The following PDE4D variants were observed in gnomAD, a reference collection of about 807,000 sequenced individuals.
PDE4D encodes the protein 3',5'-cyclic-AMP phosphodiesterase 4D.
PDE4D carries 24 observed loss-of-function variants against 87.4 expected under a neutral mutation model. The ratio of observed to expected loss-of-function variants is 0.27; its 90% CI spans 0.20 to 0.39. The LOEUF is 0.39. PDE4D is among the 10% of genes least tolerant of loss of function. The probability of loss-of-function intolerance (pLI) is 1.00; values close to 1 mark genes in which losing one functional copy is unlikely to be tolerated. For missense variants in PDE4D, 714 were observed against 1,041.0 expected (o/e 0.69, Z 4.32); for synonymous variants, 384 against 383.2 (o/e 1.00, Z -0.02).
chr5:60,135,835 C>T (rs1779988104), intron 2 of PDE4D, among the ~76,000 whole-genome samples: 1 of 152,148 alleles, frequency 6.6e-6, no homozygotes, highest in African/African-American at 2.4e-5. Context: ...AGCTGCAATG[C>T]ATATTGGTAT....
intron 5 of PDE4D, among the ~76,000 whole-genome samples, chr5:59,067,689 T>G (rs1487053152): frequency 6.6e-6 from 1 of 152,208 alleles, no homozygotes; most frequent in Non-Finnish European, 1.5e-5. Flanking sequence ...CTTATTTATA[T>G]TAGAACTGAA....
intron 1 of PDE4D, among the ~76,000 whole-genome samples, chr5:60,362,897 T>C (rs1024307011): frequency 5.9e-5 from 9 of 152,018 alleles, no homozygotes; most frequent in African/African-American, 2.2e-4. Flanking sequence ...ATTTTATTTC[T>C]GTTTGATGTT....
Position 59,215,588 on chromosome 5 carries a change from T to TGTGTGTG in PDE4D, c.647+188_647+189insCACACAC. The TGTGTGTG allele has an allele frequency of 9.1e-6, 5 of 549,676 alleles. No homozygotes were observed. The East Asian group carries it at 1.3e-4, about 14-fold the overall frequency. The allele number at this position is 549,676 out of a possible 1,614,324, so 34.0% of individuals were successfully genotyped here. A position where few individuals can be genotyped will look rare whatever the true frequency, so the allele number is the denominator to read the frequency against. ...GTGTGTGTGTGTGTGTGTGTGTGTG[T>TGTGTGTG]TAATCAAGAGTGACAGTGCACTCAG... On this transcript the variant is annotated intron_variant, in intron 2 of 14. Transcript: ENST00000340635.
chr5:60,178,088 A>C (rs1784083407), intron 2 of PDE4D, among the ~76,000 whole-genome samples: 1 of 152,172 alleles, frequency 6.6e-6, no homozygotes, highest in Non-Finnish European at 1.5e-5. Context: ...AGAACCATAA[A>C]TATTTCATCA....
At chr5:60,064,979 T>C (rs1771891864) in intron 2 of PDE4D, among the ~76,000 whole-genome samples, 1 of 152,170 alleles carries the variant, frequency 6.6e-6, no homozygotes, top group Admixed American at 6.5e-5. Context: ...TCTTAATTCT[T>C]TTGCCTCTAG....
intron 1 of PDE4D, among the ~76,000 whole-genome samples, chr5:59,712,921 A>G (rs1257778714): frequency 6.6e-6 from 1 of 152,210 alleles, no homozygotes; most frequent in Non-Finnish European, 1.5e-5. Context: ...TTGAGTGAAT[A>G]GTCCAGTATA....
intron 1 of PDE4D, among the ~76,000 whole-genome samples, chr5:59,783,614 T>A (rs1354293991): frequency 6.6e-6 from 1 of 152,244 alleles, no homozygotes; most frequent in East Asian, 1.9e-4. Flanking sequence ...GATGTCCTAG[T>A]CTAAAACATT....
At chr5:59,273,615 T>G (rs1764264983) in intron 1 of PDE4D, among the ~76,000 whole-genome samples, 1 of 152,084 alleles carries the variant, frequency 6.6e-6, no homozygotes, top group Non-Finnish European at 1.5e-5. Context: ...TAGTGTGTAG[T>G]TAAATCTAAG....
intron 2 of PDE4D, among the ~76,000 whole-genome samples, chr5:60,048,198 T>TTTA (rs1769557963): frequency 6.6e-6 from 1 of 151,536 alleles, no homozygotes; most frequent in African/African-American, 2.4e-5. Context: ...CCCTGCCTTT[T>TTTA]TTTGTTTTCC....
chr5:59,455,896 G>A (rs1220851811), intron 1 of PDE4D, among the ~76,000 whole-genome samples: 1 of 152,176 alleles, frequency 6.6e-6, no homozygotes. Flanking sequence ...ACTTGCATGG[G>A]GCCTATGGCC....
At chr5:59,703,920 G>A (rs1171026075) in intron 1 of PDE4D, among the ~76,000 whole-genome samples, 3 of 152,068 alleles carry the variant, frequency 2.0e-5, no homozygotes, top group Non-Finnish European at 4.4e-5. Flanking sequence ...TGCAAAGCTG[G>A]GAAGAAGGAG....
At chr5:59,399,628 C>A (rs1314629235) in intron 1 of PDE4D, among the ~76,000 whole-genome samples, 1 of 134,252 alleles carries the variant, frequency 7.4e-6, no homozygotes, top group Non-Finnish European at 1.7e-5. Flanking sequence ...CCATAAAAAC[C>A]CTAGAAGAAA....
chr5:60,105,053 C>T (rs1418742120), intron 2 of PDE4D, among the ~76,000 whole-genome samples: 1 of 152,176 alleles, frequency 6.6e-6, no homozygotes, highest in Non-Finnish European at 1.5e-5. Flanking sequence ...TTCAGACAAT[C>T]AAACTACTCC....
intron 2 of PDE4D, among the ~76,000 whole-genome samples, chr5:59,196,138 A>G (rs1432288955): frequency 6.6e-6 from 1 of 152,258 alleles, no homozygotes; most frequent in African/African-American, 2.4e-5. Context: ...AAAAGTAAAA[A>G]GAATGTTATC....
In PDE4D at chr5:58,975,761, G is replaced by A. The variant is rs775209507; in HGVS notation, c.1909C>T (p.Arg637Trp). The A allele has an allele frequency of 1.9e-6, 3 of 1,612,628 alleles. No individual in the cohort carries two copies. The highest frequency in any genetic ancestry group is 1.1e-5 in the South Asian group (1 of 90,888). Residue 637 changes from arginine (R) to tryptophan (W), a missense_variant, in exon 14 of 15, where the codon CGG (arginine) becomes TGG (tryptophan). Arg to Trp is a moderately radical substitution (Grantham distance 101, BLOSUM62 -3). Around this residue, in one of 7 missense-constraint regions of PDE4D, gnomAD observed 97 missense variants for 176.9 expected, o/e 0.55. Transcript: ENST00000340635. This position sits in a 1 kb window ranked among gnomAD's most constrained non-coding sequence, Gnocchi z 4.2. ...TGGCGGAAGAACTCCTCCATTATCCGGTCCGTCCACTGGCGGTACAGCTGG... is the reference window on the plus strand; with the variant it reads ...TGGCGGAAGAACTCCTCCATTATCCAGTCCGTCCACTGGCGGTACAGCTGG... ...PLQLYRQWTD[R>W]IMEEFFRQGD...
intron 1 of PDE4D, among the ~76,000 whole-genome samples, chr5:59,482,134 C>G (rs1460563512): frequency 6.6e-6 from 1 of 152,128 alleles, no homozygotes; most frequent in Non-Finnish European, 1.5e-5. Context: ...ACAACATCCC[C>G]TTAACATTCA....
At chr5:60,409,350 T>C (rs953312590) in intron 1 of PDE4D, among the ~76,000 whole-genome samples, 6 of 151,996 alleles carry the variant, frequency 3.9e-5, no homozygotes, top group African/African-American at 1.5e-4. Flanking sequence ...GCAGAAAGTC[T>C]TGTGTGGCCA....
intron 1 of PDE4D, among the ~76,000 whole-genome samples, chr5:59,883,941 A>G (rs780993073): frequency 2.0e-5 from 3 of 152,096 alleles, no homozygotes; most frequent in Non-Finnish European, 4.4e-5. Flanking sequence ...TTGGGGGGGT[A>G]AGAAACAAGT....
At chr5:60,506,223 AC>A in intron 1 of PDE4D, among the ~76,000 whole-genome samples, 1 of 152,340 alleles carries the variant, frequency 6.6e-6, no homozygotes, top group Non-Finnish European at 1.5e-5. Context: ...TCACAAGTGC[AC>A]ACCAACTTGC....
Sources: allele counts gnomAD v4.1 joint callset (sites outside exome capture counted in the v4.1 genomes callset), GRCh38; gene constraint gnomAD v4.1.1; regional missense constraint gnomAD v4.1.1; non-coding constraint Gnocchi (gnomAD v3.1); transcripts MANE v1.5; gene names NCBI Gene and HGNC (gene_info 2026-07-23, HGNC 2026-07-21).